The following PTPRN2 variants were observed in gnomAD, a reference collection of about 807,000 sequenced individuals.
PTPRN2 encodes receptor-type tyrosine-protein phosphatase N2.
A neutral mutation model predicts 118.8 loss-of-function variants in PTPRN2; 74 were observed. That is an observed-to-expected ratio of 0.62 (90% CI 0.52 to 0.76). The LOEUF is 0.76. PTPRN2 is among the 30% of genes least tolerant of loss of function. The pLI is 0.00. For missense variants in PTPRN2, 1,481 were observed against 1,394.4 expected, an observed-to-expected ratio of 1.06 and a Z score of -0.99; for synonymous variants, 641 against 608.0, an observed-to-expected ratio of 1.05 and a Z score of -0.80.
intron 1 of PTPRN2, among the ~76,000 whole-genome samples, chr7:158,559,605 A>G (rs953920915): frequency 6.6e-6 from 1 of 152,134 alleles, no homozygotes; most frequent in Non-Finnish European, 1.5e-5. Flanking sequence ...CCGCGGGGAT[A>G]CCTCACCCAG....
chr7:157,801,000 C>T (rs1021711751), intron 12 of PTPRN2, among the ~76,000 whole-genome samples: 2 of 150,690 alleles, frequency 1.3e-5, no homozygotes, highest in African/African-American at 4.9e-5. Context: ...CATATATATA[C>T]ACACATATAC....
At chr7:158,150,648 C>T (rs1209031939) in intron 6 of PTPRN2, among the ~76,000 whole-genome samples, 1 of 152,078 alleles carries the variant, frequency 6.6e-6, no homozygotes, top group Non-Finnish European at 1.5e-5. Context: ...CTAATTCCAC[C>T]CTTGTGAACA....
chr7:157,743,532 A>T (rs1800753411), intron 12 of PTPRN2, among the ~76,000 whole-genome samples: 1 of 151,910 alleles, frequency 6.6e-6, no homozygotes, highest in Non-Finnish European at 1.5e-5. Flanking sequence ...CTGGGATAAC[A>T]ATTTCCAGGT....
At chr7:158,179,859 C>A (rs1008848354) in intron 5 of PTPRN2, among the ~76,000 whole-genome samples, 3 of 152,206 alleles carry the variant, frequency 2.0e-5, no homozygotes, top group Non-Finnish European at 4.4e-5. Context: ...ATGGCAATGA[C>A]CTGATGACCC....
chr7:157,895,076 T>G (rs1442882419), intron 12 of PTPRN2, among the ~76,000 whole-genome samples: 1 of 151,212 alleles, frequency 6.6e-6, no homozygotes, highest in East Asian at 2.0e-4. Flanking sequence ...GGTCAGCAGA[T>G]GTGATGAGCA....
At chr7:158,327,181 G>A (rs1441595865) in intron 2 of PTPRN2, among the ~76,000 whole-genome samples, 2 of 141,494 alleles carry the variant, frequency 1.4e-5, no homozygotes, top group East Asian at 2.1e-4. Context: ...ACACACACAT[G>A]CTCACATTCT....
At chr7:158,032,280 G>A (rs1417727691) in intron 11 of PTPRN2, among the ~76,000 whole-genome samples, 2 of 152,328 alleles carry the variant, frequency 1.3e-5, no homozygotes, top group Admixed American at 6.5e-5. Context: ...GGTGGCTGAT[G>A]CTCTGATGAA....
chr7:158,221,878 A>G (rs1828405213), intron 3 of PTPRN2, among the ~76,000 whole-genome samples: 1 of 152,142 alleles, frequency 6.6e-6, no homozygotes, highest in Non-Finnish European at 1.5e-5. Context: ...TAAATTATTC[A>G]ACAAGAAAAA....
intron 2 of PTPRN2, among the ~76,000 whole-genome samples, chr7:158,484,747 C>G (rs1453252348): frequency 1.3e-5 from 2 of 152,212 alleles, no homozygotes; most frequent in African/African-American, 2.4e-5. Flanking sequence ...TTCCCAGGTT[C>G]CTCCGCGTCA....
At chr7:157,830,471 C>A (rs1489756226) in intron 12 of PTPRN2, among the ~76,000 whole-genome samples, 1 of 152,126 alleles carries the variant, frequency 6.6e-6, no homozygotes, top group Non-Finnish European at 1.5e-5. Context: ...TGGCCGTGCA[C>A]CCGCTGTGGC....
chr7:157,640,286 A>G (rs1409772523), intron 14 of PTPRN2, among the ~76,000 whole-genome samples: 1 of 152,254 alleles, frequency 6.6e-6, no homozygotes, highest in East Asian at 1.9e-4. Flanking sequence ...CTTTAACATT[A>G]TAACTACAAT....
intron 11 of PTPRN2, among the ~76,000 whole-genome samples, chr7:157,984,728 C>T (rs796311679): frequency 3.3e-5 from 5 of 152,264 alleles, no homozygotes; most frequent in African/African-American, 1.2e-4. Flanking sequence ...CTCCAGCTCT[C>T]CCCACATGCA....
At chr7:157,666,997 GGT>G (rs1248542138) in intron 13 of PTPRN2, among the ~76,000 whole-genome samples, 3 of 135,584 alleles carry the variant, frequency 2.2e-5, no homozygotes, top group Non-Finnish European at 4.9e-5. Flanking sequence ...ACTGATCTCT[GGT>G]GTGTGCAATG....
At chr7:157,855,635 C>T (rs1809656206) in intron 12 of PTPRN2, among the ~76,000 whole-genome samples, 1 of 152,190 alleles carries the variant, frequency 6.6e-6, no homozygotes, top group Non-Finnish European at 1.5e-5. Flanking sequence ...GAATAGCCCT[C>T]ACTGCATAGA....
intron 4 of PTPRN2, among the ~76,000 whole-genome samples, chr7:158,200,658 C>T (rs1826573095): frequency 3.3e-5 from 5 of 151,992 alleles, no homozygotes; most frequent in Admixed American, 3.3e-4. Context: ...ATCAATTAGG[C>T]CAAAGAAAAC....
intron 1 of PTPRN2, among the ~76,000 whole-genome samples, chr7:158,515,063 G>A (rs1043129086): frequency 1.1e-4 from 17 of 152,168 alleles, no homozygotes; most frequent in South Asian, 8.3e-4. Flanking sequence ...ACGATGATCC[G>A]AAAACAGCAG....
chr7:157,817,319 A>G (rs1287792856), intron 12 of PTPRN2, among the ~76,000 whole-genome samples: 3 of 152,152 alleles, frequency 2.0e-5, no homozygotes, highest in Non-Finnish European at 2.9e-5. Context: ...TGCTCCCCCA[A>G]ACGAAGAATC....
intron 11 of PTPRN2, among the ~76,000 whole-genome samples, chr7:158,069,657 C>A (rs1020375601): frequency 6.6e-6 from 1 of 152,238 alleles, no homozygotes; most frequent in Non-Finnish European, 1.5e-5. Context: ...CTTCTAACCC[C>A]ATGACATCTT....
rs181326715 is a variant in PTPRN2 at position 157,674,953 on chromosome 7, C to A, written c.2001+7772G>T. Among the ~76,000 whole-genome samples, 1 of 152,262 alleles carries A rather than the reference C, an allele frequency of 6.6e-6. No individual in the cohort carries two copies. The highest frequency in any genetic ancestry group is 2.1e-4 in the South Asian group (1 of 4,818). ...GAGGGACGGTGGCCCCAAGGGGAGC[C>A]GGGAGAGCAGAGGCTACAGGCAGGG... On this transcript the variant is annotated intron_variant, in intron 13 of 22. Coordinates refer to ENST00000389418, the MANE Select transcript of PTPRN2 (RefSeq NM_002847.5). This position sits in a 1 kb window ranked among gnomAD's most constrained non-coding sequence, Gnocchi z 4.5.
Sources: gnomAD v4.1 joint callset for allele counts (sites outside exome capture counted in the v4.1 genomes callset) on GRCh38, gnomAD v4.1.1 for gene constraint, Gnocchi (gnomAD v3.1) non-coding constraint, MANE v1.5 for transcripts, NCBI Gene and HGNC (gene_info 2026-07-23, HGNC 2026-07-21) for gene names.